PRELID2: variants seen among roughly 807,000 people sequenced by gnomAD.
PRELID2 encodes the protein PRELI domain-containing protein 2.
Under a neutral mutation model 28.4 loss-of-function variants are expected in PRELID2, and 25 were observed. The observed-to-expected ratio is 0.88, with a 90% CI of 0.64 to 1.23. PRELID2 has a LOEUF of 1.23. Ranked by LOEUF, PRELID2 falls within the 50% of genes most tolerant of loss-of-function variation. The probability of loss-of-function intolerance (pLI) is 0.00; values close to 1 mark genes in which losing one functional copy is unlikely to be tolerated. For synonymous variants in PRELID2, 76 were observed against 71.6 expected, an observed-to-expected ratio of 1.06 and a Z score of -0.31; for missense variants, 201 against 214.4, an observed-to-expected ratio of 0.94 and a Z score of 0.39.
intron 1 of PRELID2, among the ~76,000 whole-genome samples, chr5:145,651,985 C>A (rs1246163147): frequency 1.3e-5 from 2 of 152,124 alleles, no homozygotes; most frequent in East Asian, 3.9e-4. Context: ...GAACCCATCG[C>A]AAAGAAGCTA....
the PRELID2 span, among the ~76,000 whole-genome samples, chr5:145,346,717 C>T: frequency 6.6e-6 from 1 of 152,240 alleles, no homozygotes; most frequent in African/African-American, 2.4e-5. Context: ...ACTATACTCT[C>T]AGTTCTGGAC....
rs1006357301 is a variant in PRELID2 at position 145,676,243 on chromosome 5, T to A, written n.70+88688A>T. Among the ~76,000 whole-genome samples, 234 of 105,410 alleles carry A rather than the reference T, an allele frequency of 2.2e-3. 1 individual carries two copies. The highest frequency in any genetic ancestry group is 3.3e-3 in the Non-Finnish European group (170 of 51,186). The allele number at this position is 105,410 out of a possible 152,430, so 69.2% of individuals were successfully genotyped here. On this transcript the variant is annotated intron_variant and non_coding_transcript_variant, in intron 1 of 2. Transcript: ENST00000510259. ...CTCAAAAAAAAAAAAAAAAAAAAAA[T>A]AATGTGTCTCATTGTTTGTGTGGCA...
At chr5:145,581,588 G>GGAGT (rs1753108298) in intron 1 of PRELID2, among the ~76,000 whole-genome samples, 1 of 151,980 alleles carries the variant, frequency 6.6e-6, no homozygotes, top group South Asian at 2.1e-4. Context: ...TGCATTGTTA[G>GGAGT]GAGTTAAAAT....
chr5:145,342,461 T>A, the PRELID2 span, among the ~76,000 whole-genome samples: 3 of 152,026 alleles, frequency 2.0e-5, no homozygotes, highest in Non-Finnish European at 2.9e-5. Context: ...CAATTAAAAA[T>A]GTAACAAAAC....
At chr5:145,771,682 G>A (rs1054822576) in intron 5 of PRELID2, among the ~76,000 whole-genome samples, 50 of 151,970 alleles carry the variant, frequency 3.3e-4, no homozygotes, top group African/African-American at 1.2e-3. Flanking sequence ...ATGGAGAAAC[G>A]CCATCTCTAC....
At chr5:145,368,274 T>A in the PRELID2 span, among the ~76,000 whole-genome samples, 2 of 151,904 alleles carry the variant, frequency 1.3e-5, no homozygotes, top group African/African-American at 4.8e-5. Flanking sequence ...CTCAACATAG[T>A]GTTACGGCTC....
intron 1 of PRELID2, among the ~76,000 whole-genome samples, chr5:145,565,071 A>C (rs957388390): frequency 6.6e-6 from 1 of 151,716 alleles, no homozygotes; most frequent in Non-Finnish European, 1.5e-5. Context: ...TCTTGCTGGG[A>C]GCTGCAGACC....
chr5:145,776,645 G>A (rs1486778735), intron 5 of PRELID2, among the ~76,000 whole-genome samples: 1 of 152,168 alleles, frequency 6.6e-6, no homozygotes, highest in African/African-American at 2.4e-5. Flanking sequence ...AAAGATAAGG[G>A]GGACTACTGT....
At chr5:145,545,464 C>CTAATTT (rs1752778578) in intron 1 of PRELID2, among the ~76,000 whole-genome samples, 1 of 151,776 alleles carries the variant, frequency 6.6e-6, no homozygotes, top group East Asian at 1.9e-4. Context: ...AAAAAAAACC[C>CTAATTT]TAATTTTCAA....
intron 1 of PRELID2, among the ~76,000 whole-genome samples, chr5:145,484,234 T>C (rs896396553): frequency 6.6e-6 from 1 of 152,150 alleles, no homozygotes; most frequent in South Asian, 2.1e-4. Flanking sequence ...ACTTTGAACA[T>C]ATGGAGACTA....
At chr5:145,727,116 G>A (rs1756191819) in intron 1 of PRELID2, among the ~76,000 whole-genome samples, 1 of 152,216 alleles carries the variant, frequency 6.6e-6, no homozygotes, top group Non-Finnish European at 1.5e-5. Flanking sequence ...ATGTGGGGTT[G>A]AAAGGGAGCA....
At chr5:145,475,783 T>G (rs1331616198) in intron 1 of PRELID2, among the ~76,000 whole-genome samples, 1 of 152,208 alleles carries the variant, frequency 6.6e-6, no homozygotes, top group African/African-American at 2.4e-5. Context: ...TTAAATTTAA[T>G]AAATAGTCTC....
intron 1 of PRELID2, among the ~76,000 whole-genome samples, chr5:145,584,178 A>C (rs2149626725): frequency 6.6e-6 from 1 of 152,298 alleles, no homozygotes; most frequent in South Asian, 2.1e-4. Context: ...GACAAAAACA[A>C]GCAATAGGGA....
chr5:145,699,551 C>A lies in PRELID2; in HGVS notation n.70+65380G>T, dbSNP rs556247401. ...CACTGACCCATGATTTGCATCTCTT[C>A]CCTGCTCATTGACATTGATGAAATA... On this transcript the variant is annotated intron_variant and non_coding_transcript_variant, in intron 1 of 2. Coordinates refer to the PRELID2 transcript ENST00000510259. Among the ~76,000 whole-genome samples the A allele has an allele frequency of 7.2e-5, 11 of 152,226 alleles. No homozygotes were observed. In the East Asian group the frequency reaches 1.9e-3, roughly 27 times the overall value.
the PRELID2 span, among the ~76,000 whole-genome samples, chr5:145,231,379 A>G: frequency 2.6e-5 from 4 of 152,158 alleles, no homozygotes; most frequent in Non-Finnish European, 5.9e-5. Context: ...AACCCAAAAG[A>G]TTACCCACTC....
At chr5:145,790,898 T>C (rs563942043) in intron 5 of PRELID2, among the ~76,000 whole-genome samples, 227 of 148,962 alleles carry the variant, frequency 1.5e-3, no homozygotes, top group South Asian at 9.6e-3. Context: ...TGGGTATATA[T>C]ATATATATAT....
the PRELID2 span, among the ~76,000 whole-genome samples, chr5:145,412,966 C>T: frequency 2.0e-5 from 3 of 152,152 alleles, no homozygotes; most frequent in South Asian, 2.1e-4. Flanking sequence ...TCATGAGAAC[C>T]GCATGGGGGA....
chr5:145,728,900 T>C, intron 1 of PRELID2: 1 of 885,284 alleles, frequency 1.1e-6, no homozygotes, highest in Non-Finnish European at 1.9e-6. Flanking sequence ...GTCCAAAGCT[T>C]TCATTTGCTG....
chr5:145,477,668 A>G (rs1258075675), intron 1 of PRELID2, among the ~76,000 whole-genome samples: 1 of 152,202 alleles, frequency 6.6e-6, no homozygotes, highest in African/African-American at 2.4e-5. Context: ...GGTAAAATCT[A>G]CTATATAAAA....
Sources: gnomAD v4.1 joint callset for allele counts (sites outside exome capture counted in the v4.1 genomes callset) on GRCh38, gnomAD v4.1.1 for gene constraint, MANE v1.5 for transcripts, NCBI Gene and HGNC (gene_info 2026-07-23, HGNC 2026-07-21) for gene names.